The following RIMS1 variants were observed in gnomAD, a reference collection of about 807,000 sequenced individuals.
RIMS1 encodes the protein regulating synaptic membrane exocytosis 1.
RIMS1 carries 83 observed loss-of-function variants against 214.1 expected under a neutral mutation model. The observed-to-expected ratio is 0.39, with a 90% CI of 0.32 to 0.47. RIMS1 has a LOEUF of 0.47. Ranked by LOEUF, RIMS1 falls within the 20% of genes least tolerant of loss-of-function variation. The pLI, the probability that RIMS1 is intolerant of heterozygous loss-of-function variation, is 0.99. For missense variants in RIMS1, 2,050 were observed against 2,161.8 expected (o/e 0.95, Z 1.03); for synonymous variants, 793 against 786.8 (o/e 1.01, Z -0.13).
chr6:72,210,108 A>C (rs1487043300), intron 6 of RIMS1, among the ~76,000 whole-genome samples: 4 of 152,136 alleles, frequency 2.6e-5, no homozygotes, highest in Non-Finnish European at 5.9e-5. Context: ...TTTATTACAG[A>C]AACTACCCAA....
chr6:72,145,785 A>G (rs1418469231), intron 4 of RIMS1, among the ~76,000 whole-genome samples: 1 of 152,238 alleles, frequency 6.6e-6, no homozygotes, highest in African/African-American at 2.4e-5. Flanking sequence ...AGCTTTGGCA[A>G]AAACAAACAA....
intron 1 of RIMS1, among the ~76,000 whole-genome samples, chr6:71,957,732 G>A (rs1791704588): frequency 6.7e-6 from 1 of 150,296 alleles, no homozygotes; most frequent in South Asian, 2.1e-4. Context: ...ACAGTGTATA[G>A]ACATATTAAA....
At chr6:72,319,420 T>G (rs2154308463) in intron 28 of RIMS1, among the ~76,000 whole-genome samples, 1 of 152,254 alleles carries the variant, frequency 6.6e-6, no homozygotes, top group African/African-American at 2.4e-5. Flanking sequence ...TCAGAGGATA[T>G]TGAATATAAG....
At chr6:72,061,497 C>G (rs1827843649) in intron 2 of RIMS1, among the ~76,000 whole-genome samples, 1 of 152,218 alleles carries the variant, frequency 6.6e-6, no homozygotes, top group Non-Finnish European at 1.5e-5. Context: ...CACGGATGGA[C>G]TGGTCCGCTT....
rs183113787 is a variant in RIMS1, at chr6:72,378,430, C to A, written c.4367-12168C>A. Among the ~76,000 whole-genome samples, 49 of 152,208 alleles carry A rather than the reference C, an allele frequency of 3.2e-4. No homozygotes were observed. The East Asian group carries it at 8.9e-3, about 28-fold the overall frequency. On this transcript the variant is annotated intron_variant, in intron 29 of 33. Coordinates refer to ENST00000521978, the MANE Select transcript of RIMS1 (RefSeq NM_014989.7). Reference sequence around the variant, plus strand: ...ACTTTTTCTTAATTTTCTTTGTGACCTAAAACCCTCTCTTCTATCTATAAC... The same window carrying A: ...ACTTTTTCTTAATTTTCTTTGTGACATAAAACCCTCTCTTCTATCTATAAC...
At chr6:72,099,442 T>G (rs1393742326) in intron 3 of RIMS1, among the ~76,000 whole-genome samples, 1 of 152,210 alleles carries the variant, frequency 6.6e-6, no homozygotes, top group Non-Finnish European at 1.5e-5. Flanking sequence ...TTGAAATGTG[T>G]ATCACAAATA....
At chr6:72,328,696 A>G (rs764671258) in intron 28 of RIMS1, among the ~76,000 whole-genome samples, 9 of 151,778 alleles carry the variant, frequency 5.9e-5, no homozygotes, top group Non-Finnish European at 1.0e-4. Flanking sequence ...CCACACAGCT[A>G]TAGGGTTAAA....
At chr6:71,966,056 C>T (rs1307228731) in intron 1 of RIMS1, among the ~76,000 whole-genome samples, 1 of 152,154 alleles carries the variant, frequency 6.6e-6, no homozygotes, top group Non-Finnish European at 1.5e-5. Context: ...AAGGTTTTAT[C>T]CTTCCAAACT....
chr6:72,250,086 A>G (rs544043867), intron 12 of RIMS1, among the ~76,000 whole-genome samples: 12 of 152,244 alleles, frequency 7.9e-5, no homozygotes, highest in African/African-American at 2.9e-4. Context: ...TTATAAAATG[A>G]TATGTGAGAA....
intron 6 of RIMS1, among the ~76,000 whole-genome samples, chr6:72,208,020 G>T (rs953295275): frequency 6.6e-6 from 1 of 152,136 alleles, no homozygotes; most frequent in African/African-American, 2.4e-5. Flanking sequence ...AGGGCCATGA[G>T]AATGTTTCCC....
At chr6:72,162,400 A>G (rs2153935690) in intron 4 of RIMS1, among the ~76,000 whole-genome samples, 1 of 140,640 alleles carries the variant, frequency 7.1e-6, no homozygotes, top group East Asian at 2.0e-4. Flanking sequence ...TAAGGTTAAT[A>G]TTGTTATGTA....
chr6:71,979,581 T>C lies in RIMS1; in HGVS notation c.245+10518T>C, dbSNP rs544404389. On this transcript the variant is annotated intron_variant, in intron 2 of 33. Transcript: ENST00000521978. ...TTATTTTGTTAATTTAACAAATATTTACCATGATCTTACAGTGTACTTGAC... is the reference window on the plus strand; with the variant it reads ...TTATTTTGTTAATTTAACAAATATTCACCATGATCTTACAGTGTACTTGAC... Among the ~76,000 whole-genome samples the C allele has an allele frequency of 3.9e-5, 6 of 152,268 alleles. No homozygotes were observed. The East Asian group carries it at 1.2e-3, about 29-fold the overall frequency.
chr6:72,057,038 G>C (rs1336468115), intron 2 of RIMS1, among the ~76,000 whole-genome samples: 1 of 152,032 alleles, frequency 6.6e-6, no homozygotes, highest in South Asian at 2.1e-4. Flanking sequence ...GGTGGGAGCA[G>C]GGAAAGGAAA....
chr6:72,252,909 A>C (rs1030023213), intron 16 of RIMS1, 77 bp downstream of exon 16: 1 of 1,027,790 alleles, frequency 9.7e-7, no homozygotes, highest in African/African-American at 1.6e-5. Context: ...GGACCTCTTT[A>C]GGATACTAAA....
At chr6:72,169,203 A>G (rs1207810872) in intron 4 of RIMS1, among the ~76,000 whole-genome samples, 1 of 152,218 alleles carries the variant, frequency 6.6e-6, no homozygotes, top group Non-Finnish European at 1.5e-5. Context: ...AATTCTATTT[A>G]TATTTTTATC....
chr6:71,902,746 C>A (rs1298294618), intron 1 of RIMS1, among the ~76,000 whole-genome samples: 6 of 152,044 alleles, frequency 3.9e-5, no homozygotes, highest in Admixed American at 6.6e-5. Context: ...TCTCATTGTT[C>A]AGCTCCCACT....
intron 4 of RIMS1, among the ~76,000 whole-genome samples, chr6:72,108,250 A>G (rs2035191249): frequency 1.6e-5 from 2 of 128,354 alleles, no homozygotes; most frequent in African/African-American, 5.4e-5. Context: ...ATGCTTGGAT[A>G]ATTTTGTGTG....
chr6:72,255,205 G>C (rs2075275771), intron 16 of RIMS1, among the ~76,000 whole-genome samples: 1 of 152,160 alleles, frequency 6.6e-6, no homozygotes, highest in Admixed American at 6.6e-5. Flanking sequence ...CTAAAATAAA[G>C]TGAGGTGATA....
intron 1 of RIMS1, among the ~76,000 whole-genome samples, chr6:71,955,867 T>C (rs1180772253): frequency 6.6e-6 from 1 of 152,066 alleles, no homozygotes; most frequent in Admixed American, 6.6e-5. Context: ...AGTAAGGGGG[T>C]TATTTTGAGT....
Sources: gnomAD v4.1 joint callset for allele counts (sites outside exome capture counted in the v4.1 genomes callset) on GRCh38, gnomAD v4.1.1 for gene constraint, MANE v1.5 for transcripts, NCBI Gene and HGNC (gene_info 2026-07-23, HGNC 2026-07-21) for gene names.